Variants in RARB observed in about 807,000 individuals in gnomAD.
The protein encoded by RARB is retinoic acid receptor beta.
In RARB, 17 loss-of-function variants were observed where a neutral mutation model predicts 51.9. That is an observed-to-expected ratio of 0.33 (90% confidence interval 0.22 to 0.49). The LOEUF (loss-of-function observed/expected upper bound fraction) is 0.49. Among genes scored for constraint, RARB ranks in the 20% least tolerant of loss-of-function variants. The pLI is 0.99. For synonymous variants in RARB, 215 were observed against 195.4 expected (o/e 1.10, Z -0.84); for missense variants, 369 against 550.8 (o/e 0.67, Z 3.30).
intron 2 of RARB, among the ~76,000 whole-genome samples, chr3:24,860,497 G>C (rs1471473297): frequency 6.6e-6 from 1 of 152,146 alleles, no homozygotes; most frequent in Non-Finnish European, 1.5e-5. Flanking sequence ...CACGGCAAGA[G>C]TTGTTTGACC....
At chr3:25,427,057 C>T (rs984099743), upstream of RARB, among the ~76,000 whole-genome samples, 6 of 152,066 alleles carry the variant, frequency 3.9e-5, no homozygotes, top group Admixed American at 6.6e-5. Flanking sequence ...ACAAAATATG[C>T]GTTTAATTAT....
At chr3:25,292,025 G>A (rs1377071752) in intron 5 of RARB, among the ~76,000 whole-genome samples, 5 of 151,312 alleles carry the variant, frequency 3.3e-5, no homozygotes. Flanking sequence ...ATGTGAGAAG[G>A]GGGTAGTGAG....
chr3:25,008,861 G>A (rs978274162), intron 2 of RARB, among the ~76,000 whole-genome samples: 3 of 152,012 alleles, frequency 2.0e-5, no homozygotes, highest in Non-Finnish European at 4.4e-5. Flanking sequence ...GTGAACAATG[G>A]CAACCTCTTT....
At chr3:25,122,093 C>T (rs1699793512) in intron 3 of RARB, among the ~76,000 whole-genome samples, 1 of 152,054 alleles carries the variant, frequency 6.6e-6, no homozygotes, top group African/African-American at 2.4e-5. Context: ...ACACAGAAAC[C>T]CACAACGCAA....
intron 5 of RARB, among the ~76,000 whole-genome samples, chr3:25,199,363 A>C (rs1165076734): frequency 6.6e-6 from 1 of 152,102 alleles, no homozygotes; most frequent in Non-Finnish European, 1.5e-5. Context: ...AAATATAGTT[A>C]GAATGAATAA....
intron 5 of RARB, among the ~76,000 whole-genome samples, chr3:25,204,203 C>G (rs928856677): frequency 6.6e-6 from 1 of 152,204 alleles, no homozygotes. Context: ...GATACCCTTT[C>G]TTCCAGTTGA....
At chr3:24,859,886 T>C (rs1409082604) in intron 2 of RARB, among the ~76,000 whole-genome samples, 2 of 152,188 alleles carry the variant, frequency 1.3e-5, no homozygotes, top group African/African-American at 2.4e-5. Flanking sequence ...ACACTGAAAT[T>C]TAAATTCTAT....
chr3:25,022,118 C>T (rs967564357), intron 2 of RARB, among the ~76,000 whole-genome samples: 1 of 152,112 alleles, frequency 6.6e-6, no homozygotes, highest in Non-Finnish European at 1.5e-5. Flanking sequence ...AACTGGAGAG[C>T]TTTGAATTTT....
At chr3:24,925,305 T>C (rs764089202) in intron 2 of RARB, among the ~76,000 whole-genome samples, 7 of 152,000 alleles carry the variant, frequency 4.6e-5, no homozygotes, top group Non-Finnish European at 1.0e-4. Flanking sequence ...ACAACTAGAT[T>C]TACAGATTAA....
chr3:25,590,075 A>G (rs74896805), intron 5 of RARB, among the ~76,000 whole-genome samples: 2,650 of 152,314 alleles, frequency 0.017, 65 homozygotes, highest in African/African-American at 0.058. Context: ...CTCCTCAGAT[A>G]AAAGAAGACA....
chr3:25,039,476 C>A (rs1206272662), intron 2 of RARB, among the ~76,000 whole-genome samples: 1 of 152,084 alleles, frequency 6.6e-6, no homozygotes, highest in African/African-American at 2.4e-5. Context: ...TTAAGTATCT[C>A]AAATGTCCCA....
chr3:25,328,216 G>A (rs938731826), intron 5 of RARB, among the ~76,000 whole-genome samples: 1 of 152,212 alleles, frequency 6.6e-6, no homozygotes, highest in Admixed American at 6.5e-5. Flanking sequence ...AAACGGATGA[G>A]CGATTTAAGT....
chr3:25,424,905 C>T (rs1707948729), upstream of RARB, among the ~76,000 whole-genome samples: 1 of 152,132 alleles, frequency 6.6e-6, no homozygotes, highest in African/African-American at 2.4e-5. Flanking sequence ...AGATGTAGAC[C>T]CTGAACCCTG....
At position 25,146,507 on chromosome 3, in the gene RARB, G is replaced by GT. The variant is rs1209595229; in HGVS notation, c.-280+14302dup. Among the ~76,000 whole-genome samples, 28 of 133,368 alleles carry GT rather than the reference G, an allele frequency of 2.1e-4. 2 individuals carry two copies. Among genetic ancestry groups the GT allele is most frequent in the Middle Eastern group, 7.5e-3 (2 of 266 alleles). The allele number at this position is 133,368 out of a possible 152,430, so 87.5% of individuals were successfully genotyped here. On this transcript the variant is annotated intron_variant, in intron 4 of 11. Transcript: ENST00000383772. Reference sequence around the variant, plus strand: ...AATTTGCTAAGTTTTTTGTTTGTTTGTTTGTTTTTTTTTTTTTGAGACAAG... The same window carrying GT: ...AATTTGCTAAGTTTTTTGTTTGTTTGTTTTGTTTTTTTTTTTTTGAGACAAG...
intron 2 of RARB, among the ~76,000 whole-genome samples, chr3:25,052,327 A>T (rs1462424764): frequency 6.6e-6 from 1 of 152,150 alleles, no homozygotes; most frequent in Non-Finnish European, 1.5e-5. Context: ...TCTATTACAG[A>T]TTCATTGAAA....
intron 3 of RARB, among the ~76,000 whole-genome samples, chr3:25,513,661 T>TACACACACACACAC (rs10525876): frequency 0.017 from 2,399 of 145,176 alleles, 45 homozygotes; most frequent in African/African-American, 0.04. Flanking sequence ...CTCTCAAAAC[T>TACACACACACACAC]ACACACACAC....
rs1035417731 is a variant in RARB, at chr3:25,258,999, A to T, written c.178+84424A>T. On this transcript the variant is annotated intron_variant, in intron 5 of 11. Transcript: ENST00000383772. ...GCCTGAGTTTTGCTGGGGACAAACC[A>T]TAGTATATGGTGTCTGAGACTGCTT... is the stretch of plus-strand genomic sequence containing the variant. The T allele has an allele frequency of 3.0e-6, 3 of 983,668 alleles. No individual in the cohort carries two copies. In the African/African-American group the frequency reaches 5.2e-5, roughly 17 times the overall value. The allele number at this position is 983,668 out of a possible 1,614,324, so 60.9% of individuals were successfully genotyped here.
intron 5 of RARB, among the ~76,000 whole-genome samples, chr3:25,411,507 C>T (rs547179642): frequency 1.7e-4 from 26 of 152,298 alleles, no homozygotes; most frequent in South Asian, 1.2e-3. Context: ...TTTCCCTACG[C>T]GAATCACCTA....
intron 1 of RARB, among the ~76,000 whole-genome samples, chr3:24,845,907 C>G (rs1007931360): frequency 2.0e-5 from 3 of 152,238 alleles, no homozygotes; most frequent in African/African-American, 7.2e-5. Context: ...CCTTTGATCA[C>G]TGTCTTTGTC....
Sources: allele counts gnomAD v4.1 joint callset (sites outside exome capture counted in the v4.1 genomes callset), GRCh38; gene constraint gnomAD v4.1.1; transcripts MANE v1.5; gene names NCBI Gene and HGNC (gene_info 2026-07-23, HGNC 2026-07-21).